Variants in ANGPTL7 observed in about 807,000 individuals in gnomAD.
ANGPTL7 encodes angiopoietin like 7.
Under a neutral mutation model 38.8 loss-of-function variants are expected in ANGPTL7, and 37 were observed. The observed-to-expected ratio is 0.95, with a 90% CI of 0.73 to 1.25. ANGPTL7 has a LOEUF of 1.25. Ranked by LOEUF, ANGPTL7 falls within the 50% of genes most tolerant of loss-of-function variation. The pLI is 0.00. For missense variants in ANGPTL7, 427 were observed against 438.6 expected, an observed-to-expected ratio of 0.97 and a Z score of 0.24; for synonymous variants, 166 against 163.2, an observed-to-expected ratio of 1.02 and a Z score of -0.13.
Position 11,194,606 on chromosome 1 carries a change from C to A in ANGPTL7, c.818C>A (p.Thr273Asn). Residue 273 changes from threonine (T) to asparagine (N), a missense_variant, in exon 4 of 5, where the codon ACC becomes AAC. By Grantham distance (65) the Thr-to-Asn change is moderately conservative. Transcript: ENST00000376819. ...TATCATAACAACACAGCCTTCAGCA[C>A]CAAGGACAAGGACAATGACAACTGC... is the stretch of plus-strand genomic sequence containing the variant. The part of the protein sequence containing the change: ...LQYHNNTAFS[T>N]KDKDNDNCLD... 6.2e-7 allele frequency: 1 copy of A among 1,614,134 alleles called. No individual in the cohort carries two copies. Among genetic ancestry groups the A allele is most frequent in the Non-Finnish European group, 8.5e-7 (1 of 1,180,026 alleles).
Position 11,189,903 on chromosome 1 carries a change from A to G in ANGPTL7, c.324A>G (p.Gln108=). 1.6e-5 allele frequency: 26 copies of G among 1,613,964 alleles called. No homozygotes were observed. The highest frequency in any genetic ancestry group is 2.1e-5 in the Non-Finnish European group (25 of 1,180,000). The stretch of plus-strand genomic sequence containing the variant: ...GCAAGTACTCCGAGATGAACAACCA[A>G]ATTGACATCATGCAGCTGCAGGCAG... ...AESKYSEMNN[Q]IDIMQLQAAQ... Residue 108 remains glutamine (Q), a synonymous_variant, in exon 1 of 5, where the codon CAA becomes CAG. Coordinates refer to ENST00000376819, the MANE Select transcript of ANGPTL7 (RefSeq NM_021146.4).
In ANGPTL7 at chr1:11,191,794, G is replaced by A. The variant is rs188277601; in HGVS notation, c.377-476G>A. Among the ~76,000 whole-genome samples, 9 of 152,258 alleles carry A rather than the reference G, an allele frequency of 5.9e-5. No homozygotes were observed. The East Asian group carries it at 1.5e-3, about 26-fold the overall frequency. On this transcript the variant is annotated intron_variant, in intron 1 of 4. Coordinates refer to ENST00000376819, the MANE Select transcript of ANGPTL7 (RefSeq NM_021146.4). Reference sequence around the variant, plus strand: ...TCTCCCTTAATTATGGTCTCAGGTGGCAGTAGCCACCATCTCTGAACAACA... The same window carrying A: ...TCTCCCTTAATTATGGTCTCAGGTGACAGTAGCCACCATCTCTGAACAACA...
Position 11,189,543 on chromosome 1 carries a change from CT to C in ANGPTL7, c.-36del, listed in dbSNP as rs773470266. 6.4e-7 allele frequency: 1 copy of C among 1,556,362 alleles called. No homozygotes were observed. Among genetic ancestry groups the C allele is most frequent in the African/African-American group, 1.4e-5 (1 of 73,286 alleles). On this transcript the variant is annotated 5_prime_UTR_variant, in exon 1 of 5. Transcript: ENST00000376819. ...CTCAGCTGGGCATCTCCAGACTCCC[CT>C]GAAGGAAGAGCCTTCCTCACCCAAA... is the stretch of plus-strand genomic sequence containing the variant.
At chr1:11,190,890 T>G (rs1645503146) in intron 1 of ANGPTL7, among the ~76,000 whole-genome samples, 1 of 152,212 alleles carries the variant, frequency 6.6e-6, no homozygotes. Context: ...ATGGTTAACC[T>G]CAGCTCAAAT....
chr1:11,191,003 G>A (rs1645508906), intron 1 of ANGPTL7, among the ~76,000 whole-genome samples: 1 of 152,186 alleles, frequency 6.6e-6, no homozygotes, highest in Non-Finnish European at 1.5e-5. Context: ...CTCAGTTTGG[G>A]ATTAGAAAGG....
chr1:11,195,185 G>T lies in ANGPTL7; in HGVS notation c.*162G>T. On this transcript the variant is annotated 3_prime_UTR_variant, in exon 5 of 5. Coordinates refer to ENST00000376819, the MANE Select transcript of ANGPTL7 (RefSeq NM_021146.4). ...TCCAAGGAGCACAAAAAAATCATAT[G>T]TACCAAGGATGTTACAGTAAACAGG... 1 of 781,324 alleles carries T rather than the reference G, an allele frequency of 1.3e-6. No individual in the cohort carries two copies. The allele number at this position is 781,324 out of a possible 1,614,324, so 48.4% of individuals were successfully genotyped here.
Position 11,189,699 on chromosome 1 carries a change from C to A in ANGPTL7, c.120C>A (p.Leu40=), listed in dbSNP as rs1483505432. 2 of 1,614,198 alleles carry A rather than the reference C, an allele frequency of 1.2e-6. No individual in the cohort carries two copies. The highest frequency in any genetic ancestry group is 1.7e-6 in the Non-Finnish European group (2 of 1,180,024). ...ACAAGACACCAGCACAGCCACAGCT[C>A]AAAGCGGCCAACTGCTGTGAGGAGG... is the stretch of plus-strand genomic sequence containing the variant. ...SKHKTPAQPQ[L]KAANCCEEVK... is the part of the protein sequence containing the mutation. The change falls in exon 1 of 5, where the codon CTC becomes CTA. Residue 40 remains leucine, a synonymous_variant. Transcript: ENST00000376819.
At chr1:11,191,346 T>C (rs763100639) in intron 1 of ANGPTL7, among the ~76,000 whole-genome samples, 2 of 152,200 alleles carry the variant, frequency 1.3e-5, no homozygotes, top group Admixed American at 6.5e-5. Flanking sequence ...AGAATAGTGA[T>C]GGCGAAGGCA....
At chr1:11,192,232 G>A (rs1391584899) in intron 1 of ANGPTL7, 38 bp from the exon 2 acceptor site, 1 of 1,478,786 alleles carries the variant, frequency 6.8e-7, no homozygotes, top group African/African-American at 1.4e-5. Context: ...TGGAGCCACT[G>A]GGTCTAAATG....
chr1:11,191,997 T>C (rs1645555960), intron 1 of ANGPTL7, among the ~76,000 whole-genome samples: 1 of 152,168 alleles, frequency 6.6e-6, no homozygotes, highest in Non-Finnish European at 1.5e-5. Context: ...AGCAGAATAA[T>C]TTATTTCAGA....
intron 1 of ANGPTL7, among the ~76,000 whole-genome samples, chr1:11,191,966 T>C (rs1051324061): frequency 1.3e-5 from 2 of 152,194 alleles, no homozygotes; most frequent in Non-Finnish European, 2.9e-5. Context: ...GTAACATTTC[T>C]AGAATTCATG....
chr1:11,192,218 C>T (rs936119883), intron 1 of ANGPTL7, 52 bp from the exon 2 acceptor site: 1 of 1,351,846 alleles, frequency 7.4e-7, no homozygotes, highest in African/African-American at 1.4e-5. Context: ...ACACTCAACT[C>T]AGATGGAGCC....
At chr1:11,193,464 C>T (rs138898242) in intron 2 of ANGPTL7, 116 bp from the exon 3 acceptor site, 31 of 876,514 alleles carry the variant, frequency 3.5e-5, no homozygotes, top group South Asian at 1.8e-4. Flanking sequence ...AGTGTGACTG[C>T]GGGAGTGCAC....
intron 2 of ANGPTL7, 140 bp from the exon 3 acceptor site, chr1:11,193,440 T>C: frequency 1.4e-6 from 1 of 730,616 alleles, no homozygotes; most frequent in Non-Finnish European, 2.2e-6. Context: ...GCAGCATCAC[T>C]GCCCGAGTGA....
chr1:11,194,117 C>T (rs957941191), intron 3 of ANGPTL7, among the ~76,000 whole-genome samples: 4 of 152,142 alleles, frequency 2.6e-5, no homozygotes, highest in Non-Finnish European at 5.9e-5. Flanking sequence ...TTTGGGGACC[C>T]TTGCTGAAGG....
At chr1:11,192,685 C>CAGTGAG (rs1645589378) in intron 2 of ANGPTL7, among the ~76,000 whole-genome samples, 1 of 148,178 alleles carries the variant, frequency 6.7e-6, no homozygotes, top group African/African-American at 2.5e-5. Context: ...GCAGAGGTTG[C>CAGTGAG]AGTGAGCCGA....
intron 4 of ANGPTL7, 42 bp from the exon 5 acceptor site, chr1:11,194,812 T>A: frequency 2.5e-6 from 4 of 1,610,280 alleles, no homozygotes; most frequent in Non-Finnish European, 3.4e-6. Context: ...GTCTGGTCTA[T>A]CACAGTCAAC....
intron 1 of ANGPTL7, among the ~76,000 whole-genome samples, chr1:11,190,284 A>G (rs888298974): frequency 1.3e-5 from 2 of 152,190 alleles, no homozygotes; most frequent in Non-Finnish European, 2.9e-5. Context: ...CCTCACCAAG[A>G]GCTGACAGGC....
At chr1:11,191,218 A>G (rs1372747194) in intron 1 of ANGPTL7, among the ~76,000 whole-genome samples, 4 of 152,132 alleles carry the variant, frequency 2.6e-5, no homozygotes, top group African/African-American at 9.7e-5. Flanking sequence ...CTTGCCCAGG[A>G]CATCATTCCT....
Sources: gnomAD v4.1 joint callset for allele counts (sites outside exome capture counted in the v4.1 genomes callset) on GRCh38, gnomAD v4.1.1 for gene constraint, MANE v1.5 for transcripts, NCBI Gene and HGNC (gene_info 2026-07-23, HGNC 2026-07-21) for gene names.